Variants in ABCA3 observed in about 807,000 individuals in gnomAD.
The protein encoded by ABCA3 is phospholipid-transporting ATPase ABCA3.
A neutral mutation model predicts 172.8 loss-of-function variants in ABCA3; 88 were observed. The observed-to-expected ratio is 0.51, with a 90% CI of 0.43 to 0.61. The LOEUF (loss-of-function observed/expected upper bound fraction) is 0.61. Among genes scored for constraint, ABCA3 ranks in the 20% least tolerant of loss-of-function variants. The pLI is 0.00. For synonymous variants in ABCA3, 1,066 were observed against 983.8 expected (o/e 1.08, Z -1.56); for missense variants, 2,164 against 2,301.0 (o/e 0.94, Z 1.22).
Position 2,277,615 on chromosome 16 carries a change from A to G in ABCA3, c.4965T>C (p.Arg1655=). Residue 1655 remains arginine (R), a synonymous_variant, in exon 32 of 33, where the codon CGT becomes CGC. Coordinates refer to ENST00000301732, the MANE Select transcript of ABCA3 (RefSeq NM_001089.3). This position sits in a 1 kb window ranked among gnomAD's most constrained non-coding sequence, Gnocchi z 5.3. The part of the protein sequence containing the change: ...QGMVHYHLPG[R]DLSWAKVFGI... The stretch of plus-strand genomic sequence containing the variant: ...GCCTCACCTTCGCCCAGCTGAGGTC[A>G]CGGCCCGGCAGGTGGTAATGGACCA... The G allele has an allele frequency of 6.2e-7, 1 of 1,613,104 alleles. No homozygotes were observed. The highest frequency in any genetic ancestry group is 8.5e-7 in the Non-Finnish European group (1 of 1,180,014).
At chr16:2,301,036 C>G (rs928155986) in intron 12 of ABCA3, among the ~76,000 whole-genome samples, 3 of 151,676 alleles carry the variant, frequency 2.0e-5, no homozygotes, top group South Asian at 2.1e-4. Flanking sequence ...CGAGACCATC[C>G]TGGCTAACAC....
At position 2,276,497 on chromosome 16, in the gene ABCA3, G is replaced by A. The variant is rs2093646588; in HGVS notation, c.*177C>T. Reference sequence around the variant, plus strand: ...CATGGAGATGCGCATGCTGATCCTGGGCATGAGGGCTGGGCTGCACTCGTC... The same window carrying A: ...CATGGAGATGCGCATGCTGATCCTGAGCATGAGGGCTGGGCTGCACTCGTC... On this transcript the variant is annotated 3_prime_UTR_variant, in exon 33 of 33. Coordinates refer to ENST00000301732, the MANE Select transcript of ABCA3 (RefSeq NM_001089.3). 9.5e-7 allele frequency: 1 copy of A among 1,051,588 alleles called. No homozygotes were observed. Among genetic ancestry groups the A allele is most frequent in the Admixed American group, 2.2e-5 (1 of 46,486 alleles). 65.1% of individuals were successfully genotyped at this position (1,051,588 alleles called of 1,614,324 possible).
intron 20 of ABCA3, 87 bp from the exon 21 acceptor site, chr16:2,288,416 G>T: frequency 1.4e-6 from 2 of 1,440,416 alleles, no homozygotes; most frequent in Non-Finnish European, 9.3e-7. Context: ...GCTGTTCTGT[G>T]TGACGCCAGC....
In ABCA3 at chr16:2,284,600, C is replaced by T. The variant is rs1184485280; in HGVS notation, c.3704-163G>A. Among the ~76,000 whole-genome samples, 1 of 152,174 alleles carries T rather than the reference C, an allele frequency of 6.6e-6. No individual in the cohort carries two copies. The highest frequency in any genetic ancestry group is 1.5e-5 in the Non-Finnish European group (1 of 68,024). On this transcript the variant is annotated intron_variant, in intron 24 of 32. Transcript: ENST00000301732. This position sits in a 1 kb window ranked among gnomAD's most constrained non-coding sequence, Gnocchi z 5.9. The stretch of plus-strand genomic sequence containing the variant: ...GGCTCTGCACAGGGCAAGGACGCCG[C>T]AGACGCCTGCCCACCAGTCATGGCT...
intron 8 of ABCA3, among the ~76,000 whole-genome samples, chr16:2,318,917 G>C (rs1046334526): frequency 1.3e-5 from 2 of 151,676 alleles, no homozygotes; most frequent in Non-Finnish European, 1.5e-5. Context: ...TTCACGTTTT[G>C]CCCTATTTGT....
intron 7 of ABCA3, among the ~76,000 whole-genome samples, chr16:2,322,579 G>A (rs2093727857): frequency 7.6e-6 from 1 of 132,408 alleles, no homozygotes; most frequent in Non-Finnish European, 1.5e-5. Context: ...CCCTTCCTGT[G>A]CTGGGAAAAC....
At chr16:2,319,243 C>T (rs1049310368) in intron 8 of ABCA3, among the ~76,000 whole-genome samples, 5 of 152,008 alleles carry the variant, frequency 3.3e-5, no homozygotes, top group Non-Finnish European at 7.4e-5. Context: ...CCCAGCACTT[C>T]TGGAGGCCGA....
chr16:2,297,303 T>C lies in ABCA3; in HGVS notation c.2263+26A>G. 6.2e-7 allele frequency: 1 copy of C among 1,606,826 alleles called. No homozygotes were observed. Among genetic ancestry groups the C allele is most frequent in the African/African-American group, 1.3e-5 (1 of 74,870 alleles). On this transcript the variant is annotated intron_variant, in intron 17 of 32. Transcript: ENST00000301732. This position sits in a 1 kb window ranked among gnomAD's most constrained non-coding sequence, Gnocchi z 5.6. ...AGCACGGCAGCCAGGACACCGACCC[T>C]GTCGCGGGCTGGCCCCACCGCTCAC...
chr16:2,327,757 G>A (rs905001902), intron 3 of ABCA3, among the ~76,000 whole-genome samples: 2 of 152,024 alleles, frequency 1.3e-5, no homozygotes, highest in African/African-American at 4.8e-5. Flanking sequence ...GTCTTGCTCT[G>A]TCACCCAGGC....
rs748520197 is a variant in ABCA3 at position 2,299,521 on chromosome 16, C to T, written c.1623G>A (p.Val541=). The T allele has an allele frequency of 6.2e-7, 1 of 1,613,484 alleles. No individual in the cohort carries two copies. Among genetic ancestry groups the T allele is most frequent in the East Asian group, 2.2e-5 (1 of 44,864 alleles). Residue 541 remains valine, a synonymous_variant, in exon 14 of 33, where the codon GTG becomes GTA. Coordinates refer to ENST00000301732, the MANE Select transcript of ABCA3 (RefSeq NM_001089.3). ...KIKHLSKVFR[V]GNKDRAAVRD... ...TGACGGCCGCCCTGTCCTTATTTCC[C>T]ACCCTGAACACCTGCAGGAAAGGCA... is the stretch of plus-strand genomic sequence containing the variant.
At chr16:2,298,606 AC>A in intron 14 of ABCA3, 66 bp from the exon 15 acceptor site, 2 of 1,574,010 alleles carry the variant, frequency 1.3e-6, no homozygotes, top group African/African-American at 1.4e-5. Flanking sequence ...CGCGGTAATG[AC>A]CCCCCACCCC....
At chr16:2,300,447 TAGAC>T in intron 12 of ABCA3, among the ~76,000 whole-genome samples, 1 of 152,208 alleles carries the variant, frequency 6.6e-6, no homozygotes, top group Admixed American at 6.5e-5. Flanking sequence ...TGAAATTTCA[TAGAC>T]AGAAGTTATC....
rs186912353 is a variant in ABCA3, at chr16:2,303,864, C to A, written c.1467+105G>T. The A allele has an allele frequency of 3.8e-6, 5 of 1,310,870 alleles. No homozygotes were observed. The African/African-American group carries it at 5.8e-5, about 15-fold the overall frequency. The allele number at this position is 1,310,870 out of a possible 1,614,324, so 81.2% of individuals were successfully genotyped here. On this transcript the variant is annotated intron_variant, in intron 12 of 32. Coordinates refer to ENST00000301732, the MANE Select transcript of ABCA3 (RefSeq NM_001089.3). ...GGCAGGGTTCTGTGTGCCAGCCCCA[C>A]GCAGGTGCTGCATGCTGGGGACTCA...
intron 1 of ABCA3, among the ~76,000 whole-genome samples, chr16:2,340,178 T>A (rs910695470): frequency 6.6e-6 from 1 of 152,162 alleles, no homozygotes; most frequent in African/African-American, 2.4e-5. Flanking sequence ...GACGCCTGCA[T>A]CCCTCGGGGC....
chr16:2,282,416 G>A (rs920027383), intron 26 of ABCA3, among the ~76,000 whole-genome samples: 1 of 152,226 alleles, frequency 6.6e-6, no homozygotes, highest in Non-Finnish European at 1.5e-5. Flanking sequence ...TTAACACGTG[G>A]AGACAGTTCC....
chr16:2,322,226 T>C (rs1218431304), intron 7 of ABCA3, among the ~76,000 whole-genome samples: 1 of 150,542 alleles, frequency 6.6e-6, no homozygotes, highest in Non-Finnish European at 1.5e-5. Flanking sequence ...AAAGCTGAAA[T>C]ACAAATGTTT....
chr16:2,317,600 C>T (rs777087204), intron 9 of ABCA3, 48 bp downstream of exon 9: 19 of 1,604,506 alleles, frequency 1.2e-5, no homozygotes, highest in Admixed American at 5.0e-5. Flanking sequence ...TCCTGGGGTG[C>T]CCTGGCTCTC....
At position 2,323,581 on chromosome 16, in the gene ABCA3, G is replaced by A. The variant is rs777138493; in HGVS notation, c.555C>T (p.Phe185=). 6.8e-6 allele frequency: 11 copies of A among 1,614,058 alleles called. No individual in the cohort carries two copies. The highest frequency in any genetic ancestry group is 2.7e-5 in the African/African-American group (2 of 74,916). Residue 185 remains phenylalanine, a synonymous_variant, in exon 7 of 33, where the codon TTC becomes TTT. Transcript: ENST00000301732. ...ETEGWHTTSL[F]PLFPNPGPRE... is the part of the protein sequence containing the mutation. Reference sequence around the variant, plus strand: ...TTGGTCCTGGGTTTGGGAAAAGCGGGAAAAGGGAAGTAGTGTGCCAGCCTT... The same window carrying A: ...TTGGTCCTGGGTTTGGGAAAAGCGGAAAAAGGGAAGTAGTGTGCCAGCCTT...
At chr16:2,321,635 C>T (rs1316041824) in intron 7 of ABCA3, among the ~76,000 whole-genome samples, 4 of 152,104 alleles carry the variant, frequency 2.6e-5, no homozygotes, top group Admixed American at 2.6e-4. Context: ...CACTTCTTGG[C>T]TGTCCCTAGC....
Sources: gnomAD v4.1 joint callset for allele counts (sites outside exome capture counted in the v4.1 genomes callset) on GRCh38, gnomAD v4.1.1 for gene constraint, Gnocchi (gnomAD v3.1) non-coding constraint, MANE v1.5 for transcripts, NCBI Gene and HGNC (gene_info 2026-07-23, HGNC 2026-07-21) for gene names.